The following NBEA variants were observed in gnomAD, a reference collection of about 807,000 sequenced individuals.
NBEA encodes lysosomal-trafficking regulator 2.
A neutral mutation model predicts 343.4 loss-of-function variants in NBEA; 44 were observed. The ratio of observed to expected loss-of-function variants is 0.13; its 90% CI spans 0.10 to 0.16. The LOEUF (loss-of-function observed/expected upper bound fraction) is 0.16, where lower values mean the gene tolerates loss of function less well. Among genes scored for constraint, NBEA ranks in the 10% least tolerant of loss-of-function variants. NBEA has a pLI of 1.00. For missense variants in NBEA, 2,555 were observed against 3,631.3 expected (o/e 0.70, Z 7.62); for synonymous variants, 1,175 against 1,238.7 (o/e 0.95, Z 1.08).
chr13:35,065,636 A>G (rs987214732), intron 8 of NBEA, among the ~76,000 whole-genome samples: 2 of 151,952 alleles, frequency 1.3e-5, no homozygotes, highest in African/African-American at 4.8e-5. Flanking sequence ...ATCACTCCTC[A>G]TATTTCACTT....
chr13:35,156,997 TTTTA>T (rs1464605734), intron 20 of NBEA, 77 bp from the exon 21 acceptor site: 1 of 1,206,638 alleles, frequency 8.3e-7, no homozygotes. Context: ...ATTTTCACTA[TTTTA>T]TTTATCAAAG....
At chr13:35,283,575 A>G (rs17051990) in intron 34 of NBEA, among the ~76,000 whole-genome samples, 2,214 of 152,276 alleles carry the variant, frequency 0.015, 49 homozygotes, top group African/African-American at 0.05. Flanking sequence ...CTGACTTTTG[A>G]TAAGCCAGAT....
intron 55 of NBEA, among the ~76,000 whole-genome samples, chr13:35,661,662 C>T (rs1026409281): frequency 9.9e-5 from 15 of 152,130 alleles, no homozygotes; most frequent in South Asian, 4.1e-4. Context: ...TGACCGATAC[C>T]GCTCTTCTCA....
At chr13:35,423,302 A>C (rs972488105) in intron 38 of NBEA, among the ~76,000 whole-genome samples, 4 of 152,184 alleles carry the variant, frequency 2.6e-5, no homozygotes, top group Admixed American at 1.3e-4. Flanking sequence ...TTAAGTCTTT[A>C]ATCCATCTTG....
intron 36 of NBEA, among the ~76,000 whole-genome samples, chr13:35,339,394 G>T (rs533488245): frequency 8.6e-5 from 13 of 152,012 alleles, no homozygotes; most frequent in Non-Finnish European, 1.9e-4. Flanking sequence ...TAAGAAGATG[G>T]TTCCATTAAC....
chr13:35,416,698 T>C (rs1386499960), intron 38 of NBEA, among the ~76,000 whole-genome samples: 1 of 151,992 alleles, frequency 6.6e-6, no homozygotes, highest in African/African-American at 2.4e-5. Flanking sequence ...TAAAATTCTC[T>C]CTTTTTTGTT....
chr13:35,491,105 AC>A (rs2076485130), intron 41 of NBEA, among the ~76,000 whole-genome samples: 1 of 151,906 alleles, frequency 6.6e-6, no homozygotes, highest in Non-Finnish European at 1.5e-5. Flanking sequence ...TAGGACTCAA[AC>A]CCAGCTTTTT....
Position 35,070,011 on chromosome 13 carries a change from A to AT in NBEA, c.1344dup (p.Ala449CysfsTer2). 1 of 1,607,520 alleles carries AT rather than the reference A, an allele frequency of 6.2e-7. No homozygotes were observed. The highest frequency in any genetic ancestry group is 1.1e-5 in the South Asian group (1 of 90,394). On this transcript the variant is annotated frameshift_variant, in exon 9 of 59. Transcript: ENST00000379939. LOFTEE classifies it high-confidence loss of function. ...GCAAGTAGCATTGCCTTTACATATA[A>AT]TGCTAAGGCCACTGATGCTCAGCTC...
intron 38 of NBEA, among the ~76,000 whole-genome samples, chr13:35,367,067 C>G (rs1232854499): frequency 6.6e-6 from 1 of 151,086 alleles, no homozygotes; most frequent in African/African-American, 2.4e-5. Flanking sequence ...ATGATACATT[C>G]TAAATACTAA....
intron 6 of NBEA, among the ~76,000 whole-genome samples, chr13:35,052,773 T>C (rs2063110960): frequency 6.6e-6 from 1 of 152,040 alleles, no homozygotes; most frequent in Admixed American, 6.6e-5. Context: ...ACTATGGTCT[T>C]TACTGAGATC....
intron 1 of NBEA, among the ~76,000 whole-genome samples, chr13:34,992,222 A>ATGTGTG (rs552706153): frequency 2.4e-5 from 3 of 122,646 alleles, no homozygotes; most frequent in Non-Finnish European, 5.0e-5. Context: ...GTGTGTGTAT[A>ATGTGTG]TGTGTGTGTG....
At chr13:35,321,143 G>A (rs571144197) in intron 36 of NBEA, among the ~76,000 whole-genome samples, 2 of 152,198 alleles carry the variant, frequency 1.3e-5, no homozygotes, top group Admixed American at 1.3e-4. Context: ...CTGCTGGCGA[G>A]GAGTTGTGAT....
rs548032528 is a variant in NBEA at position 35,280,269 on chromosome 13, A to G, written c.5777-10120A>G. On this transcript the variant is annotated intron_variant, in intron 34 of 58. Coordinates refer to ENST00000379939, the MANE Select transcript of NBEA (RefSeq NM_001385012.1). The stretch of plus-strand genomic sequence containing the variant: ...AAAATATTCTCACATTAAGTGTGCT[A>G]TTTACATATTTGTTTTGTTATAGAG... Among the ~76,000 whole-genome samples, 8 of 152,202 alleles carry G rather than the reference A, an allele frequency of 5.3e-5. No homozygotes were observed. In the East Asian group the frequency reaches 7.7e-4, roughly 15 times the overall value.
chr13:35,135,194 G>C (rs1229872210), intron 17 of NBEA, among the ~76,000 whole-genome samples: 1 of 152,024 alleles, frequency 6.6e-6, no homozygotes, highest in African/African-American at 2.4e-5. Context: ...TATAGTTTCC[G>C]TGTAAACATT....
intron 36 of NBEA, among the ~76,000 whole-genome samples, chr13:35,327,267 C>T (rs1459736266): frequency 6.6e-6 from 1 of 152,022 alleles, no homozygotes; most frequent in Admixed American, 6.6e-5. Flanking sequence ...CCAGCAATCC[C>T]ATTACTGGGT....
At chr13:35,027,418 TTAC>T (rs1035462416) in intron 1 of NBEA, among the ~76,000 whole-genome samples, 15 of 151,884 alleles carry the variant, frequency 9.9e-5, no homozygotes, top group African/African-American at 3.6e-4. Context: ...GCACTTGCTG[TTAC>T]TACTGTTTTC....
Position 35,109,274 on chromosome 13 carries a change from C to A in NBEA, c.1681-16C>A. Reference sequence around the variant, plus strand: ...TTCTGGATGTTTCAAGCTAGAATTTCTGTTTTCTTTCTTAGTCATCAAGAG... The same window carrying A: ...TTCTGGATGTTTCAAGCTAGAATTTATGTTTTCTTTCTTAGTCATCAAGAG... On this transcript the variant is annotated splice_polypyrimidine_tract_variant and intron_variant, in intron 11 of 58. Transcript: ENST00000379939. The A allele has an allele frequency of 6.4e-7, 1 of 1,552,682 alleles. No individual in the cohort carries two copies. The highest frequency in any genetic ancestry group is 1.2e-5 in the South Asian group (1 of 80,498).
chr13:35,309,103 T>C (rs1191224437), intron 35 of NBEA, among the ~76,000 whole-genome samples: 1 of 152,072 alleles, frequency 6.6e-6, no homozygotes, highest in African/African-American at 2.4e-5. Flanking sequence ...ATGTTAATGT[T>C]TCTAAGAGTT....
At chr13:35,021,160 T>C (rs1390321489) in intron 1 of NBEA, among the ~76,000 whole-genome samples, 1 of 152,182 alleles carries the variant, frequency 6.6e-6, no homozygotes, top group Non-Finnish European at 1.5e-5. Context: ...TGTCATGGGC[T>C]GGCAAACTAT....
Sources: allele counts gnomAD v4.1 joint callset (sites outside exome capture counted in the v4.1 genomes callset), GRCh38; gene constraint gnomAD v4.1.1; transcripts MANE v1.5; gene names NCBI Gene and HGNC (gene_info 2026-07-23, HGNC 2026-07-21).